The following STK17B variants were observed in gnomAD, a reference collection of about 807,000 sequenced individuals.
The protein encoded by STK17B is serine/threonine-protein kinase 17B.
Under a neutral mutation model 42.0 loss-of-function variants are expected in STK17B, and 21 were observed. That is an observed-to-expected ratio of 0.50 (90% CI 0.35 to 0.72). The LOEUF is 0.72. Among genes scored for constraint, STK17B ranks in the 30% least tolerant of loss-of-function variants. STK17B has a pLI of 0.00. For synonymous variants in STK17B, 143 were observed against 148.4 expected, an observed-to-expected ratio of 0.96 and a Z score of 0.26; for missense variants, 349 against 446.0, an observed-to-expected ratio of 0.78 and a Z score of 1.96.
intron 1 of STK17B, among the ~76,000 whole-genome samples, chr2:196,169,680 C>A (rs1699914376): frequency 6.6e-6 from 1 of 152,186 alleles, no homozygotes; most frequent in Admixed American, 6.5e-5. Flanking sequence ...TACTCATATG[C>A]TAACACAGCG....
At chr2:196,173,379 A>G (rs1699970739), upstream of STK17B, among the ~76,000 whole-genome samples, 1 of 152,164 alleles carries the variant, frequency 6.6e-6, no homozygotes, top group Non-Finnish European at 1.5e-5. Context: ...CCTCTGCCTT[A>G]TGTTCTTTGG....
chr2:196,139,278 C>T (rs1473484920), intron 7 of STK17B, among the ~76,000 whole-genome samples: 1 of 152,124 alleles, frequency 6.6e-6, no homozygotes, highest in African/African-American at 2.4e-5. Context: ...AATCATTAAA[C>T]TGTAAATCAT....
In STK17B at chr2:196,158,883, T is replaced by C. The variant is rs189233771; in HGVS notation, c.123-2232A>G. Among the ~76,000 whole-genome samples the C allele has an allele frequency of 4.3e-3, 655 of 151,920 alleles. 2 individuals are homozygous for C. Among genetic ancestry groups the C allele is most frequent in the Non-Finnish European group, 6.1e-3 (415 of 67,924 alleles). On this transcript the variant is annotated intron_variant, in intron 2 of 7. Transcript: ENST00000263955. The stretch of plus-strand genomic sequence containing the variant: ...AAAATTAGCCGGGCTTGGTGGCACA[T>C]GCCTGTAATCCCAGCTACTCAGGAA...
chr2:196,145,810 G>C (rs544786954), intron 4 of STK17B, 101 bp downstream of exon 4: 49 of 1,248,762 alleles, frequency 3.9e-5, no homozygotes, highest in Non-Finnish European at 5.2e-5. Context: ...AGAAGACCAG[G>C]AACCAACCAT....
At chr2:196,151,812 A>G (rs1699669774) in intron 3 of STK17B, among the ~76,000 whole-genome samples, 1 of 152,228 alleles carries the variant, frequency 6.6e-6, no homozygotes, top group Non-Finnish European at 1.5e-5. Flanking sequence ...AGTAAGATTT[A>G]TATTACTTTC....
chr2:196,161,239 C>CAG (rs1237179322), intron 2 of STK17B, among the ~76,000 whole-genome samples: 1 of 148,278 alleles, frequency 6.7e-6, no homozygotes, highest in Admixed American at 6.8e-5. Flanking sequence ...CTTTCCAATG[C>CAG]AGAGATTCTA....
chr2:196,170,301 G>C (rs990069886), intron 1 of STK17B, among the ~76,000 whole-genome samples: 2 of 152,156 alleles, frequency 1.3e-5, no homozygotes, highest in African/African-American at 2.4e-5. Flanking sequence ...ACTTGAAAAC[G>C]TAAAGTGGCC....
At chr2:196,174,621 A>AC (rs1290310925), upstream of STK17B, among the ~76,000 whole-genome samples, 3 of 152,118 alleles carry the variant, frequency 2.0e-5, no homozygotes, top group African/African-American at 2.4e-5. Flanking sequence ...GCGTGGCTCA[A>AC]CCCCCCACCC....
In STK17B at chr2:196,152,200, A is replaced by G. The variant is rs558802716; in HGVS notation, c.335+4239T>C. On this transcript the variant is annotated intron_variant, in intron 3 of 7. Transcript: ENST00000263955. ...CAGCTCACTGCAACCTCTGCCTCCC[A>G]GGTTCAAGCAATTCTCCTGCCTCAG... Among the ~76,000 whole-genome samples, 19 of 150,438 alleles carry G rather than the reference A, an allele frequency of 1.3e-4. No homozygotes were observed. The Admixed American group carries it at 1.3e-3, about 10-fold the overall frequency.
At chr2:196,149,968 G>A (rs10804069) in intron 3 of STK17B, among the ~76,000 whole-genome samples, 88,983 of 151,806 alleles carry the variant, frequency 0.59, 26,861 homozygotes, top group East Asian at 0.9. Context: ...AATGTATTTC[G>A]TAGGACTGCC....
At chr2:196,165,997 A>T (rs1435509024) in intron 1 of STK17B, 1 of 152,218 alleles carries the variant, frequency 6.6e-6, no homozygotes, top group Non-Finnish European at 1.5e-5. Context: ...TAGTTCTGAT[A>T]GCGCTCAGTT....
rs574558427 is a variant in STK17B, at chr2:196,151,879, T to C, written c.335+4560A>G. ...GACTTCATAACTGGCAATGAAATAC[T>C]TTCCTATGAACTATGTATTAAAATA... On this transcript the variant is annotated intron_variant, in intron 3 of 7. Coordinates refer to ENST00000263955, the MANE Select transcript of STK17B (RefSeq NM_004226.4). 5.6e-4 allele frequency among the ~76,000 whole-genome samples: 86 copies of C among 152,340 alleles called. 1 individual carries two copies. In the South Asian group the frequency reaches 0.011, roughly 20 times the overall value.
At chr2:196,154,075 C>T (rs1376298239) in intron 3 of STK17B, 1 of 151,950 alleles carries the variant, frequency 6.6e-6, no homozygotes, top group Non-Finnish European at 1.5e-5. Context: ...TCTCTAGTAA[C>T]ATACAAAAAA....
intron 4 of STK17B, among the ~76,000 whole-genome samples, chr2:196,144,583 C>T (rs878905765): frequency 9.6e-5 from 14 of 145,478 alleles, no homozygotes; most frequent in African/African-American, 2.8e-4. Context: ...GGAATGAGAA[C>T]GTAAACATTT....
At chr2:196,169,103 G>GTC (rs1699906332) in intron 1 of STK17B, among the ~76,000 whole-genome samples, 1 of 128,306 alleles carries the variant, frequency 7.8e-6, no homozygotes, top group Non-Finnish European at 1.6e-5. Flanking sequence ...TTGAGACGGA[G>GTC]TCTCCCTCTG....
intron 3 of STK17B, among the ~76,000 whole-genome samples, chr2:196,148,244 G>A (rs1424877955): frequency 1.3e-5 from 2 of 152,194 alleles, no homozygotes; most frequent in Non-Finnish European, 2.9e-5. Flanking sequence ...TGGTCTGCAT[G>A]TCAGTATTCA....
Position 196,156,656 on chromosome 2 carries a change from G to A in STK17B, c.123-5C>T. On this transcript the variant is annotated splice_region_variant and splice_polypyrimidine_tract_variant and intron_variant, in intron 2 of 7. Transcript: ENST00000263955. ...CTAACCACAGCAAATTTTCCTCTGG[G>A]GGAAGATGAGAACAATCAATTTTAA... is the stretch of plus-strand genomic sequence containing the variant. 6.2e-7 allele frequency: 1 copy of A among 1,604,204 alleles called. No homozygotes were observed. Among genetic ancestry groups the A allele is most frequent in the Non-Finnish European group, 8.5e-7 (1 of 1,173,896 alleles).
chr2:196,166,974 T>C (rs979554097), intron 1 of STK17B, among the ~76,000 whole-genome samples: 13 of 152,232 alleles, frequency 8.5e-5, no homozygotes, highest in African/African-American at 2.7e-4. Flanking sequence ...ACTTACAGCA[T>C]GACACATAAA....
intron 3 of STK17B, among the ~76,000 whole-genome samples, chr2:196,149,462 C>A (rs553622440): frequency 6.6e-6 from 1 of 152,240 alleles, no homozygotes; most frequent in East Asian, 1.9e-4. Context: ...CTGGGCCCAG[C>A]CAATATCAGC....
Sources: gnomAD v4.1 joint callset for allele counts (sites outside exome capture counted in the v4.1 genomes callset) on GRCh38, gnomAD v4.1.1 for gene constraint, MANE v1.5 for transcripts, NCBI Gene and HGNC (gene_info 2026-07-23, HGNC 2026-07-21) for gene names.